Variants in TANC1 observed in about 807,000 individuals in gnomAD.
TANC1 encodes protein TANC1.
TANC1 carries 77 observed loss-of-function variants against 149.7 expected under a neutral mutation model. That is an observed-to-expected ratio of 0.51 (90% confidence interval 0.43 to 0.62). The LOEUF is 0.62. Ranked by LOEUF, TANC1 falls within the 20% of genes least tolerant of loss-of-function variation. The probability of loss-of-function intolerance (pLI) is 0.00; values close to 1 mark genes in which losing one functional copy is unlikely to be tolerated. For missense variants in TANC1, 1,985 were observed against 2,321.8 expected (o/e 0.85, Z 2.98); for synonymous variants, 854 against 925.0 (o/e 0.92, Z 1.39).
intron 2 of TANC1, among the ~76,000 whole-genome samples, chr2:159,018,952 T>C (rs2038544940): frequency 6.6e-6 from 1 of 152,238 alleles, no homozygotes; most frequent in African/African-American, 2.4e-5. Flanking sequence ...TAGTAACATC[T>C]AATATTTATA....
At chr2:159,168,888 G>A (rs977499696) in intron 8 of TANC1, among the ~76,000 whole-genome samples, 1 of 152,088 alleles carries the variant, frequency 6.6e-6, no homozygotes, top group Non-Finnish European at 1.5e-5. Context: ...CTGCAGAGAA[G>A]AATCTAGCAG....
chr2:159,191,448 T>C (rs1445229807), intron 16 of TANC1, among the ~76,000 whole-genome samples: 1 of 152,144 alleles, frequency 6.6e-6, no homozygotes, highest in Non-Finnish European at 1.5e-5. Context: ...ATTATATTTA[T>C]GGAATGAGCA....
At chr2:159,022,630 C>T (rs60436412) in intron 2 of TANC1, among the ~76,000 whole-genome samples, 12,041 of 152,072 alleles carry the variant, frequency 0.079, 734 homozygotes, top group East Asian at 0.16. Context: ...CTGTTGTCCT[C>T]GGGAGGCTGA....
At chr2:159,205,977 G>A (rs1206116947) in intron 19 of TANC1, among the ~76,000 whole-genome samples, 2 of 152,236 alleles carry the variant, frequency 1.3e-5, no homozygotes, top group Non-Finnish European at 2.9e-5. Flanking sequence ...CATCTCACCA[G>A]TACTGGTTTT....
Position 159,219,975 on chromosome 2 carries a change from A to AGTGTGTGT in TANC1, c.3678+109_3678+110insTGTGTGTG, listed in dbSNP as rs775529868. The stretch of plus-strand genomic sequence containing the variant: ...TGAGGTTGTGTCTCAGTGTCATCAG[A>AGTGTGTGT]GAGTGTGTGTGTGTGTGTGTGTGTG... On this transcript the variant is annotated intron_variant, in intron 22 of 26. Transcript: ENST00000263635. 4,377 of 744,866 alleles carry AGTGTGTGT rather than the reference A, an allele frequency of 5.9e-3. 37 individuals carry two copies. The highest frequency in any genetic ancestry group is 0.025 in the Admixed American group (851 of 33,950). The allele number at this position is 744,866 out of a possible 1,614,324, so 46.1% of individuals were successfully genotyped here.
rs565123366 is a variant in TANC1, at chr2:159,132,795, G to A, written c.260-3399G>A. On this transcript the variant is annotated intron_variant, in intron 4 of 26. Coordinates refer to ENST00000263635, the MANE Select transcript of TANC1 (RefSeq NM_033394.3). ...AGGCATGAACCACCGTGCCAGGCCTGGGTACAGTATTTGAACCTAGGTCTG... is the reference window on the plus strand; with the variant it reads ...AGGCATGAACCACCGTGCCAGGCCTAGGTACAGTATTTGAACCTAGGTCTG... 5.6e-4 allele frequency among the ~76,000 whole-genome samples: 85 copies of A among 151,872 alleles called. 2 individuals carry two copies. The South Asian group carries it at 0.017, about 31-fold the overall frequency.
intron 22 of TANC1, 146 bp from the exon 23 acceptor site, chr2:159,224,086 C>T (rs1029854977): frequency 6.4e-6 from 6 of 935,722 alleles, no homozygotes; most frequent in Admixed American, 4.6e-5. Flanking sequence ...TTCTCTGTTT[C>T]GTGTCCACTT....
chr2:159,095,733 C>CAAAAAA (rs61191170), intron 3 of TANC1, among the ~76,000 whole-genome samples: 8 of 100,440 alleles, frequency 8.0e-5, no homozygotes, highest in Admixed American at 1.1e-4. Flanking sequence ...AAGACTGTCT[C>CAAAAAA]AAAAAAAAAA....
Position 159,004,778 on chromosome 2 carries a change from C to T in TANC1, c.-16+3589C>T, listed in dbSNP as rs546251891. 4.6e-5 allele frequency among the ~76,000 whole-genome samples: 7 copies of T among 151,896 alleles called. No individual in the cohort carries two copies. The East Asian group carries it at 1.2e-3, about 25-fold the overall frequency. ...CCGAGACCAGCTCAGTTGTGGAGAC[C>T]CTAACCCAGGGGTGCTAGAGGAATT... On this transcript the variant is annotated intron_variant, in intron 2 of 26. Transcript: ENST00000263635.
chr2:159,096,043 G>A (rs1435345861), intron 3 of TANC1, among the ~76,000 whole-genome samples: 1 of 152,114 alleles, frequency 6.6e-6, no homozygotes, highest in Non-Finnish European at 1.5e-5. Flanking sequence ...AGGAAGGCGT[G>A]GCAAGGACTG....
intron 3 of TANC1, among the ~76,000 whole-genome samples, chr2:159,095,078 T>C (rs2045959437): frequency 6.6e-6 from 1 of 152,010 alleles, no homozygotes; most frequent in Non-Finnish European, 1.5e-5. Flanking sequence ...CCCAAGTAGC[T>C]GGGATTACCG....
chr2:159,137,526 T>G (rs2050888718), intron 5 of TANC1, among the ~76,000 whole-genome samples: 1 of 152,136 alleles, frequency 6.6e-6, no homozygotes, highest in African/African-American at 2.4e-5. Flanking sequence ...AGCTGAGGAT[T>G]TGTGCACACC....
chr2:159,196,605 C>A lies in TANC1; in HGVS notation c.2980-3C>A, dbSNP rs368884658. The A allele has an allele frequency of 2.5e-6, 4 of 1,595,574 alleles. No homozygotes were observed. The highest frequency in any genetic ancestry group is 3.4e-6 in the Non-Finnish European group (4 of 1,167,972). On this transcript the variant is annotated splice_polypyrimidine_tract_variant and splice_region_variant and intron_variant, in intron 17 of 26. Coordinates refer to ENST00000263635, the MANE Select transcript of TANC1 (RefSeq NM_033394.3). Reference sequence around the variant, plus strand: ...TGTAACCTTCCCCTACTCCTGCCCCCAGGTGGACCACTTGGATAAGAAGGG... The same window carrying A: ...TGTAACCTTCCCCTACTCCTGCCCCAAGGTGGACCACTTGGATAAGAAGGG...
chr2:159,128,616 G>A (rs732788), intron 4 of TANC1, among the ~76,000 whole-genome samples: 2 of 152,218 alleles, frequency 1.3e-5, no homozygotes, highest in East Asian at 1.9e-4. Context: ...TCTGTCCCCC[G>A]AGCCGTGCCT....
intron 4 of TANC1, among the ~76,000 whole-genome samples, chr2:159,122,741 G>A (rs264594): frequency 0.34 from 50,376 of 150,238 alleles, 8,473 homozygotes; most frequent in South Asian, 0.41. Flanking sequence ...GTTGTAGTGG[G>A]TATCAATTCT....
chr2:159,139,516 A>G (rs1442739260), intron 5 of TANC1, among the ~76,000 whole-genome samples: 2 of 152,242 alleles, frequency 1.3e-5, no homozygotes, highest in East Asian at 1.9e-4. Flanking sequence ...AAACCTTCAG[A>G]TAAATTAGAG....
At chr2:159,137,125 G>T (rs1441595429) in intron 5 of TANC1, among the ~76,000 whole-genome samples, 2 of 152,176 alleles carry the variant, frequency 1.3e-5, no homozygotes, top group South Asian at 2.1e-4. Context: ...TGCTGAAAGA[G>T]AACTCAACCA....
rs984758307 is a variant in TANC1, at chr2:159,146,665, C to T, written c.365-2477C>T. ...AAGTGATTCCCCTGCCTCAGCCTCC[C>T]GAGTAGCTGGGATTACAGGCATCTG... On this transcript the variant is annotated intron_variant, in intron 5 of 26. Coordinates refer to ENST00000263635, the MANE Select transcript of TANC1 (RefSeq NM_033394.3). 7.2e-5 allele frequency among the ~76,000 whole-genome samples: 11 copies of T among 151,750 alleles called. No individual in the cohort carries two copies. In the East Asian group the frequency reaches 1.5e-3, roughly 21 times the overall value.
intron 1 of TANC1, among the ~76,000 whole-genome samples, chr2:158,995,689 T>G (rs1387194905): frequency 6.6e-6 from 1 of 152,208 alleles, no homozygotes; most frequent in Non-Finnish European, 1.5e-5. Context: ...CCTGCCTCTA[T>G]TTAAATCTTT....
Sources: gnomAD v4.1 joint callset for allele counts (sites outside exome capture counted in the v4.1 genomes callset) on GRCh38, gnomAD v4.1.1 for gene constraint, MANE v1.5 for transcripts, NCBI Gene and HGNC (gene_info 2026-07-23, HGNC 2026-07-21) for gene names.